The following DNAI1 variants were observed in gnomAD, a reference collection of about 807,000 sequenced individuals.
DNAI1 encodes the protein dynein axonemal intermediate chain 1.
Under a neutral mutation model 92.0 loss-of-function variants are expected in DNAI1, and 67 were observed. That is an observed-to-expected ratio of 0.73 (90% CI 0.60 to 0.89). The LOEUF (loss-of-function observed/expected upper bound fraction) is 0.89, where lower values mean the gene tolerates loss of function less well. Among genes scored for constraint, DNAI1 ranks in the 40% least tolerant of loss-of-function variants. The probability of loss-of-function intolerance (pLI) is 0.00; values close to 1 mark genes in which losing one functional copy is unlikely to be tolerated. For synonymous variants in DNAI1, 323 were observed against 319.6 expected, an observed-to-expected ratio of 1.01 and a Z score of -0.11; for missense variants, 839 against 866.6, an observed-to-expected ratio of 0.97 and a Z score of 0.40.
chr9:34,519,933 G>T (rs1201726171), intron 19 of DNAI1, among the ~76,000 whole-genome samples: 2 of 152,200 alleles, frequency 1.3e-5, no homozygotes, highest in Non-Finnish European at 2.9e-5. Context: ...GGACCTGTGG[G>T]TGACACACAC....
chr9:34,512,983 A>G lies in DNAI1; in HGVS notation c.1490-129A>G, dbSNP rs1444404385. On this transcript the variant is annotated intron_variant, in intron 15 of 19. Transcript: ENST00000242317. ...TGGTCCCAGCCCTTACAGGGGCCCT[A>G]GTTCAGTCTGTCCTGCGCTGAGTCC... 1.5e-5 allele frequency: 12 copies of G among 806,066 alleles called. No individual in the cohort carries two copies. In the African/African-American group the frequency reaches 2.0e-4, roughly 14 times the overall value. 49.9% of individuals were successfully genotyped at this position (806,066 alleles called of 1,614,324 possible).
Position 34,501,148 on chromosome 9 carries a change from T to C in DNAI1, c.1030T>C (p.Tyr344His). ...TATTTTTTTTTGCAGGAATCCAAAG[T>C]ACAGGGATCTGTTTGCAGTGGGATA... is the stretch of plus-strand genomic sequence containing the variant. ...SVTALCWNPK[Y>H]RDLFAVGYGS... Residue 344 changes from tyrosine (Y) to histidine (H), a missense_variant, in exon 12 of 20, where the codon TAC (tyrosine) becomes CAC (histidine). Transcript: ENST00000242317. The C allele has an allele frequency of 6.2e-7, 1 of 1,613,794 alleles. No homozygotes were observed. The highest frequency in any genetic ancestry group is 8.5e-7 in the Non-Finnish European group (1 of 1,179,626).
chr9:34,472,015 C>A (rs528061449), intron 1 of DNAI1, among the ~76,000 whole-genome samples: 15 of 149,070 alleles, frequency 1.0e-4, no homozygotes, highest in African/African-American at 3.9e-4. Flanking sequence ...GCACAGGCTC[C>A]TTTCTAATAA....
At chr9:34,496,973 C>A in intron 9 of DNAI1, 142 bp from the exon 10 acceptor site, 1 of 739,332 alleles carries the variant, frequency 1.4e-6, no homozygotes. Context: ...TTGAGACATG[C>A]AGAGAAACCT....
chr9:34,482,119 G>C (rs902286831), intron 1 of DNAI1, among the ~76,000 whole-genome samples: 7 of 152,258 alleles, frequency 4.6e-5, no homozygotes, highest in Non-Finnish European at 7.3e-5. Flanking sequence ...GTCCCCACCA[G>C]AGCAGCTAGA....
At position 34,489,333 on chromosome 9, in the gene DNAI1, A is replaced by G. The variant is rs750339250; in HGVS notation, c.272A>G (p.Tyr91Cys). 1.2e-6 allele frequency: 2 copies of G among 1,613,938 alleles called. No individual in the cohort carries two copies. The highest frequency in any genetic ancestry group is 2.7e-5 in the African/African-American group (2 of 74,922). ...IVRYSFKEGT[Y>C]KPIGFVNQLA... ...CCCCTCTCTTCTTAGGAAGGCACAT[A>G]TAAGCCTATTGGCTTTGTGAACCAA... Residue 91 changes from tyrosine to cysteine, a missense_variant, in exon 5 of 20, where the codon TAT (tyrosine) becomes TGT (cysteine). By Grantham distance (194) the Tyr-to-Cys change is radical. Transcript: ENST00000242317.
chr9:34,459,446 CTTTCTTTTT>C (rs1823899135), intron 1 of DNAI1, among the ~76,000 whole-genome samples: 1 of 147,054 alleles, frequency 6.8e-6, no homozygotes, highest in Non-Finnish European at 1.5e-5. Context: ...TTCTTTCTTT[CTTTCTTTTT>C]TTTTTTTTGA....
At chr9:34,510,941 C>T (rs1019626951) in intron 13 of DNAI1, among the ~76,000 whole-genome samples, 2 of 152,198 alleles carry the variant, frequency 1.3e-5, no homozygotes, top group African/African-American at 2.4e-5. Flanking sequence ...GGACTCAGCC[C>T]GCCCTCCTGA....
chr9:34,468,669 A>G (rs927228345), intron 1 of DNAI1, among the ~76,000 whole-genome samples: 2 of 152,006 alleles, frequency 1.3e-5, no homozygotes, highest in Non-Finnish European at 2.9e-5. Flanking sequence ...TCTACAAAAA[A>G]TTTAAAAATT....
Position 34,500,795 on chromosome 9 carries a change from C to G in DNAI1, c.975C>G (p.Phe325Leu). The G allele has an allele frequency of 6.2e-7, 1 of 1,614,128 alleles. No individual in the cohort carries two copies. The highest frequency in any genetic ancestry group is 2.2e-5 in the East Asian group (1 of 44,870). Residue 325 changes from phenylalanine to leucine, a missense_variant, in exon 11 of 20, where the codon TTC becomes TTG. Physicochemically the swap from Phe to Leu is conservative, Grantham distance 22. Transcript: ENST00000242317. ...GTACCCTGCTGCCGCTCTGGAAGTT[C>G]CAAAATGACAAAGCCAAGCGCCTGT... ...QVGTLLPLWK[F>L]QNDKAKRLSV...
chr9:34,509,190 G>C (rs1438955512), intron 13 of DNAI1, among the ~76,000 whole-genome samples: 1 of 152,124 alleles, frequency 6.6e-6, no homozygotes, highest in Non-Finnish European at 1.5e-5. Flanking sequence ...GTGGAGGGCT[G>C]GGCAGGTCTT....
At chr9:34,517,021 G>A (rs866741271) in intron 18 of DNAI1, among the ~76,000 whole-genome samples, 3 of 151,934 alleles carry the variant, frequency 2.0e-5, no homozygotes, top group African/African-American at 7.3e-5. Context: ...GATTACAGGC[G>A]TCAGTGAGCC....
intron 1 of DNAI1, among the ~76,000 whole-genome samples, chr9:34,482,667 G>A (rs576553975): frequency 8.5e-5 from 13 of 152,400 alleles, no homozygotes; most frequent in Admixed American, 7.2e-4. Flanking sequence ...GACTCTCCAC[G>A]TCCCCACCAG....
intron 18 of DNAI1, among the ~76,000 whole-genome samples, chr9:34,515,383 G>A (rs1825154416): frequency 6.6e-6 from 1 of 152,222 alleles, no homozygotes; most frequent in Non-Finnish European, 1.5e-5. Flanking sequence ...AAGGGCCAAC[G>A]ATGGTGCCCA....
At chr9:34,474,672 G>C (rs1486976622) in intron 1 of DNAI1, among the ~76,000 whole-genome samples, 1 of 148,284 alleles carries the variant, frequency 6.7e-6, no homozygotes, top group African/African-American at 2.5e-5. Context: ...GGGTTCAAGT[G>C]ATTCTCCTGC....
At chr9:34,507,854 G>A (rs559593542) in intron 13 of DNAI1, among the ~76,000 whole-genome samples, 1 of 152,186 alleles carries the variant, frequency 6.6e-6, no homozygotes, top group African/African-American at 2.4e-5. Flanking sequence ...AGAGTGGTGG[G>A]TGGGGCCTCT....
chr9:34,509,347 C>A (rs890871491), intron 13 of DNAI1, among the ~76,000 whole-genome samples: 1 of 152,154 alleles, frequency 6.6e-6, no homozygotes, highest in East Asian at 1.9e-4. Flanking sequence ...TTGAAGCACC[C>A]TGCACTTATC....
chr9:34,501,149 A>G lies in DNAI1; in HGVS notation c.1031A>G (p.Tyr344Cys). The G allele has an allele frequency of 6.2e-7, 1 of 1,613,752 alleles. No individual in the cohort carries two copies. The highest frequency in any genetic ancestry group is 2.2e-5 in the East Asian group (1 of 44,878). ...ATTTTTTTTTGCAGGAATCCAAAGT[A>G]CAGGGATCTGTTTGCAGTGGGATAT... is the stretch of plus-strand genomic sequence containing the variant. ...SVTALCWNPK[Y>C]RDLFAVGYGS... The change falls in exon 12 of 20, where the codon TAC becomes TGC. Residue 344 changes from tyrosine (Y) to cysteine (C), a missense_variant. By Grantham distance (194) the Tyr-to-Cys change is radical (BLOSUM62 -2). Transcript: ENST00000242317.
intron 3 of DNAI1, 41 bp from the exon 4 acceptor site, chr9:34,485,396 G>A (rs2132057587): frequency 1.2e-6 from 2 of 1,608,600 alleles, no homozygotes; most frequent in Non-Finnish European, 1.7e-6. Flanking sequence ...TAGGGTTGGG[G>A]GGTCTTCATG....
Sources: gnomAD v4.1 joint callset for allele counts (sites outside exome capture counted in the v4.1 genomes callset) on GRCh38, gnomAD v4.1.1 for gene constraint, MANE v1.5 for transcripts, NCBI Gene and HGNC (gene_info 2026-07-23, HGNC 2026-07-21) for gene names.